LRP1B: variants seen among roughly 807,000 people sequenced by gnomAD.
LRP1B encodes the protein LDL receptor related protein 1B, also known as low-density lipoprotein receptor-related protein 1B.
Under a neutral mutation model 556.6 loss-of-function variants are expected in LRP1B, and 217 were observed. That is an observed-to-expected ratio of 0.39 (90% CI 0.35 to 0.44). The LOEUF (loss-of-function observed/expected upper bound fraction) is 0.44, where lower values mean the gene tolerates loss of function less well. Among genes scored for constraint, LRP1B ranks in the 20% least tolerant of loss-of-function variants. The probability of loss-of-function intolerance (pLI) is 1.00; values close to 1 mark genes in which losing one functional copy is unlikely to be tolerated. For missense variants in LRP1B, 5,053 were observed against 5,620.8 expected, an observed-to-expected ratio of 0.90 and a Z score of 3.23; for synonymous variants, 2,047 against 1,865.8, an observed-to-expected ratio of 1.10 and a Z score of -2.50.
At chr2:142,043,556 C>T (rs1704137618) in intron 1 of LRP1B, among the ~76,000 whole-genome samples, 1 of 151,340 alleles carries the variant, frequency 6.6e-6, no homozygotes, top group Non-Finnish European at 1.5e-5. Flanking sequence ...TAGTAGACAC[C>T]AGGTAAGTGG....
intron 2 of LRP1B, among the ~76,000 whole-genome samples, chr2:141,741,286 T>A (rs945453531): frequency 2.1e-5 from 3 of 143,874 alleles, no homozygotes; most frequent in Admixed American, 7.0e-5. Context: ...TTTTTTTTTT[T>A]TTTTTTTAGT....
At chr2:141,275,431 G>C (rs972891110) in intron 3 of LRP1B, among the ~76,000 whole-genome samples, 1 of 152,152 alleles carries the variant, frequency 6.6e-6, no homozygotes, top group Non-Finnish European at 1.5e-5. Flanking sequence ...AGTAATGGTC[G>C]GGTGTGGTGG....
chr2:140,662,430 G>T (rs952080471), intron 41 of LRP1B, among the ~76,000 whole-genome samples: 9 of 151,876 alleles, frequency 5.9e-5, no homozygotes, highest in Non-Finnish European at 1.2e-4. Context: ...ATAATACAAG[G>T]GAACTTAAAA....
chr2:141,461,902 A>C (rs1400131048), intron 3 of LRP1B, among the ~76,000 whole-genome samples: 1 of 152,116 alleles, frequency 6.6e-6, no homozygotes, highest in Admixed American at 6.6e-5. Flanking sequence ...CATTGAGTCA[A>C]CTCTGAAAAT....
chr2:141,268,622 C>T (rs995401306), intron 3 of LRP1B, among the ~76,000 whole-genome samples: 3 of 152,120 alleles, frequency 2.0e-5, no homozygotes, highest in Non-Finnish European at 4.4e-5. Context: ...AGGTACTTAA[C>T]ACCCCTGAGA....
At chr2:140,445,595 AT>A (rs1322849350) in intron 63 of LRP1B, among the ~76,000 whole-genome samples, 2 of 141,208 alleles carry the variant, frequency 1.4e-5, no homozygotes, top group Non-Finnish European at 3.2e-5. Flanking sequence ...CCAAGTGATA[AT>A]GCATTTTATC....
At chr2:140,503,938 G>A (rs767232895) in intron 53 of LRP1B, among the ~76,000 whole-genome samples, 1 of 151,952 alleles carries the variant, frequency 6.6e-6, no homozygotes, top group Non-Finnish European at 1.5e-5. Context: ...TTATCATATT[G>A]GAATGGTTAA....
intron 67 of LRP1B, among the ~76,000 whole-genome samples, chr2:140,385,074 C>A (rs574812918): frequency 4.0e-4 from 61 of 152,114 alleles, no homozygotes; most frequent in Admixed American, 1.4e-3. Flanking sequence ...ATGGCAAGAT[C>A]CCATCTCTAC....
At chr2:141,793,532 C>G (rs1043670136) in intron 2 of LRP1B, among the ~76,000 whole-genome samples, 1 of 151,928 alleles carries the variant, frequency 6.6e-6, no homozygotes. Context: ...TTAAAAATCA[C>G]TCAAAGTTAT....
chr2:142,002,676 C>T (rs1162572546), intron 1 of LRP1B, among the ~76,000 whole-genome samples: 1 of 151,934 alleles, frequency 6.6e-6, no homozygotes, highest in East Asian at 1.9e-4. Context: ...TGAGTTCAAT[C>T]AAGAGTCCTA....
chr2:141,038,143 A>G (rs1358397995), intron 11 of LRP1B, among the ~76,000 whole-genome samples: 1 of 151,780 alleles, frequency 6.6e-6, no homozygotes, highest in East Asian at 1.9e-4. Context: ...AATAATTAAA[A>G]AAAAAATCTA....
chr2:141,639,746 C>G (rs1002803142), intron 2 of LRP1B, among the ~76,000 whole-genome samples: 2 of 152,096 alleles, frequency 1.3e-5, no homozygotes, highest in African/African-American at 2.4e-5. Flanking sequence ...TACAGTGAGG[C>G]ATCCTCTTCC....
At chr2:141,751,656 G>A (rs1558850211) in intron 2 of LRP1B, among the ~76,000 whole-genome samples, 1 of 151,746 alleles carries the variant, frequency 6.6e-6, no homozygotes, top group Admixed American at 6.6e-5. Context: ...CATTTTCATG[G>A]TCAATTACTC....
chr2:140,447,692 G>T (rs767242072), intron 63 of LRP1B, among the ~76,000 whole-genome samples: 2 of 151,986 alleles, frequency 1.3e-5, no homozygotes, highest in Admixed American at 6.6e-5. Flanking sequence ...TCATAATTTT[G>T]CTGACTGATA....
At chr2:141,395,607 C>A (rs973796250) in intron 3 of LRP1B, among the ~76,000 whole-genome samples, 2 of 152,048 alleles carry the variant, frequency 1.3e-5, no homozygotes, top group African/African-American at 4.8e-5. Flanking sequence ...CGATGAGGAT[C>A]CCAACAGAAT....
At chr2:140,269,317 G>T (rs1682352590) in intron 86 of LRP1B, 1 of 470,922 alleles carries the variant, frequency 2.1e-6, no homozygotes, top group African/African-American at 2.0e-5. Flanking sequence ...CCCTCATTCT[G>T]ACAGTAGTGA....
intron 3 of LRP1B, among the ~76,000 whole-genome samples, chr2:141,443,053 A>G (rs1681045944): frequency 6.6e-6 from 1 of 152,216 alleles, no homozygotes. Flanking sequence ...CCAACCGTGT[A>G]AAAGTGTTCC....
chr2:140,902,096 T>C (rs78118643), intron 23 of LRP1B, among the ~76,000 whole-genome samples: 4,262 of 152,300 alleles, frequency 0.028, 178 homozygotes, highest in African/African-American at 0.097. Context: ...ACATTCACAA[T>C]GGAAAGATAT....
chr2:141,967,667 T>C (rs1489086423), intron 1 of LRP1B, among the ~76,000 whole-genome samples: 1 of 151,892 alleles, frequency 6.6e-6, no homozygotes, highest in Non-Finnish European at 1.5e-5. Flanking sequence ...ATGTAAATAG[T>C]ATATATGTCC....
Sources: gnomAD v4.1 joint callset for allele counts (sites outside exome capture counted in the v4.1 genomes callset) on GRCh38, gnomAD v4.1.1 for gene constraint, MANE v1.5 for transcripts, NCBI Gene and HGNC (gene_info 2026-07-23, HGNC 2026-07-21) for gene names.